HPS5: variants seen among roughly 807,000 people sequenced by gnomAD.
HPS5 encodes the protein BLOC-2 complex member HPS5.
Under a neutral mutation model 128.0 loss-of-function variants are expected in HPS5, and 83 were observed. The ratio of observed to expected loss-of-function variants is 0.65; its 90% confidence interval spans 0.54 to 0.78. HPS5 has a LOEUF of 0.78. HPS5 is among the 30% of genes least tolerant of loss of function. HPS5 has a pLI of 0.00. For missense variants in HPS5, 1,281 were observed against 1,326.2 expected (o/e 0.97, Z 0.53); for synonymous variants, 475 against 470.2 (o/e 1.01, Z -0.13).
rs567976409 is a variant in HPS5 at position 18,301,313 on chromosome 11, G to A, written c.897-397C>T. On this transcript the variant is annotated intron_variant, in intron 8 of 22. Transcript: ENST00000349215. Reference sequence around the variant, plus strand: ...TCTATTAAAAATAGAAAAATTAGCCGGGCATGGTGACATGCGCTTGTAATC... The same window carrying A: ...TCTATTAAAAATAGAAAAATTAGCCAGGCATGGTGACATGCGCTTGTAATC... 2.2e-4 allele frequency among the ~76,000 whole-genome samples: 33 copies of A among 151,846 alleles called. No individual in the cohort carries two copies. In the Middle Eastern group the frequency reaches 0.01, roughly 47 times the overall value.
intron 10 of HPS5, 119 bp downstream of exon 10, chr11:18,298,673 T>C: frequency 2.1e-6 from 2 of 934,192 alleles, no homozygotes; most frequent in Non-Finnish European, 3.5e-6. Context: ...CATGTATTGC[T>C]GTATCTGTAG....
intron 3 of HPS5, 66 bp downstream of exon 3, chr11:18,311,848 T>C: frequency 9.6e-7 from 1 of 1,042,574 alleles, no homozygotes; most frequent in Non-Finnish European, 1.5e-6. Flanking sequence ...ATTATTTATA[T>C]TGGAGAAATT....
chr11:18,320,099 T>C (rs1864148765), intron 1 of HPS5, among the ~76,000 whole-genome samples: 1 of 151,834 alleles, frequency 6.6e-6, no homozygotes, highest in Non-Finnish European at 1.5e-5. Context: ...TAAGTTCTAC[T>C]GAAAAGAAAA....
intron 9 of HPS5, 136 bp downstream of exon 9, chr11:18,300,692 G>C: frequency 2.0e-6 from 1 of 497,904 alleles, no homozygotes; most frequent in East Asian, 3.4e-5. Flanking sequence ...GCAAGACTTA[G>C]TCTCAAAAAA....
intron 8 of HPS5, among the ~76,000 whole-genome samples, chr11:18,304,304 C>T (rs760981419): frequency 3.3e-5 from 5 of 151,514 alleles, no homozygotes; most frequent in Non-Finnish European, 7.4e-5. Flanking sequence ...GCAACCTCTA[C>T]CTTCCAGGTT....
chr11:18,296,957 T>C lies in HPS5; in HGVS notation c.1351A>G (p.Ile451Val). The change falls in exon 12 of 23, where the codon ATT becomes GTT. Residue 451 changes from isoleucine (I) to valine (V), a missense_variant. By Grantham distance (29) the Ile-to-Val change is conservative (BLOSUM62 3). Transcript: ENST00000349215. ...CTTCTACTACTAATGATACGATAAA[T>C]ACCAGAGTCCAAGATGCTGAAACTT... ...HESFSILDSG[I>V]YRIISSRRGS... The C allele has an allele frequency of 6.2e-7, 1 of 1,601,390 alleles. No homozygotes were observed. The highest frequency in any genetic ancestry group is 8.5e-7 in the Non-Finnish European group (1 of 1,172,212).
At position 18,296,118 on chromosome 11, in the gene HPS5, A is replaced by G; in HGVS notation, c.1515T>C (p.Asn505=). Residue 505 remains asparagine (N), a synonymous_variant, in exon 13 of 23, where the codon AAT becomes AAC. Transcript: ENST00000349215. ...QCCGSHGNED[N]VSHAPVMFET... ...CAAACATCACTGGAGCATGAGAAAC[A>G]TTGTCTAATGAATGGAATCAGGAAA... 6.2e-7 allele frequency: 1 copy of G among 1,613,414 alleles called. No homozygotes were observed. The highest frequency in any genetic ancestry group is 8.5e-7 in the Non-Finnish European group (1 of 1,179,380).
rs747074254 is a variant in HPS5 at position 18,317,855 on chromosome 11, C to G, written c.4G>C (p.Ala2Pro). 1.2e-6 allele frequency: 2 copies of G among 1,612,898 alleles called. No individual in the cohort carries two copies. The highest frequency in any genetic ancestry group is 1.7e-6 in the Non-Finnish European group (2 of 1,179,446). The change falls in exon 2 of 23, where the codon GCT (alanine) becomes CCT (proline). Residue 2 changes from alanine (A) to proline (P), a missense_variant. Coordinates refer to ENST00000349215, the MANE Select transcript of HPS5 (RefSeq NM_181507.2). ...GACTCTGGTATCACTGGCACAAAAG[C>G]CATTTAGCCAGAAAGCTGAAACTTG... M[A>P]FVPVIPESYS...
intron 18 of HPS5, 181 bp from the exon 19 acceptor site, chr11:18,286,891 A>C (rs1859805394): frequency 1.4e-6 from 1 of 709,080 alleles, no homozygotes; most frequent in Non-Finnish European, 2.3e-6. Context: ...AACAAAGAAA[A>C]TGTCAAAGGG....
At chr11:18,283,662 CA>C in intron 21 of HPS5, 132 bp downstream of exon 21, 1 of 703,852 alleles carries the variant, frequency 1.4e-6, no homozygotes, top group Admixed American at 2.3e-5. Context: ...AAAAACTCCA[CA>C]AATGTGACAA....
rs1379393688 is a variant in HPS5 at position 18,309,049 on chromosome 11, G to C, written c.508C>G (p.Gln170Glu). 2 of 1,613,802 alleles carry C rather than the reference G, an allele frequency of 1.2e-6. No homozygotes were observed. Among genetic ancestry groups the C allele is most frequent in the African/African-American group, 2.7e-5 (2 of 74,898 alleles). ...CAGGAGTCAACAGTTGTGATTGTCT[G>C]AACAGGAAACATCACAAAAGCAGCA... is the stretch of plus-strand genomic sequence containing the variant. The part of the protein sequence containing the change: ...AAAAFVMFPV[Q>E]TITTVDSCVV... The change falls in exon 6 of 23, where the codon CAG becomes GAG. Residue 170 changes from glutamine (Q) to glutamate (E), a missense_variant. Transcript: ENST00000349215.
chr11:18,318,588 G>C (rs186879322), intron 1 of HPS5, among the ~76,000 whole-genome samples: 1 of 152,130 alleles, frequency 6.6e-6, no homozygotes, highest in Non-Finnish European at 1.5e-5. Flanking sequence ...AAAGTAACAC[G>C]AAAGTTTTTA....
At chr11:18,298,739 T>C (rs1861369276) in intron 10 of HPS5, 53 bp downstream of exon 10, 4 of 1,561,550 alleles carry the variant, frequency 2.6e-6, no homozygotes, top group Non-Finnish European at 3.5e-6. Context: ...TCTTGCAAGG[T>C]AGGAGAGTTT....
rs79604177 is a variant in HPS5, at chr11:18,315,929, T to C, written c.108+1822A>G. On this transcript the variant is annotated intron_variant, in intron 2 of 22. Coordinates refer to ENST00000349215, the MANE Select transcript of HPS5 (RefSeq NM_181507.2). ...GATTTATTGCCACTCAAAACAATCA[T>C]CTACATTCTCCATATCCCCACTTCC... is the stretch of plus-strand genomic sequence containing the variant. Among the ~76,000 whole-genome samples the C allele has an allele frequency of 4.9e-3, 753 of 152,306 alleles. 9 individuals carry two copies. Among genetic ancestry groups the C allele is most frequent in the African/African-American group, 0.017 (726 of 41,554 alleles).
chr11:18,308,203 T>C (rs1190364878), intron 6 of HPS5, among the ~76,000 whole-genome samples: 3 of 152,254 alleles, frequency 2.0e-5, no homozygotes, highest in Non-Finnish European at 4.4e-5. Context: ...TTGCCATTCA[T>C]TGTACCTCTG....
intron 1 of HPS5, among the ~76,000 whole-genome samples, chr11:18,321,230 T>A (rs1349040732): frequency 6.6e-6 from 1 of 152,224 alleles, no homozygotes; most frequent in Non-Finnish European, 1.5e-5. Context: ...CCTGCTTCTT[T>A]TTCCAGCCTT....
chr11:18,291,658 T>C lies in HPS5; in HGVS notation c.2224A>G (p.Thr742Ala). The change falls in exon 16 of 23, where the codon ACA (threonine) becomes GCA (alanine). Residue 742 changes from threonine (T) to alanine (A), a missense_variant. Thr to Ala is a moderately conservative substitution (Grantham distance 58). Transcript: ENST00000349215. ...AATACATTCAACTCCAAACATAATGTTGTCAATTCAGCCAGGTCGTTCCGA... is the reference window on the plus strand; with the variant it reads ...AATACATTCAACTCCAAACATAATGCTGTCAATTCAGCCAGGTCGTTCCGA... ...GLRNDLAELT[T>A]LCLELNVLNS... The C allele has an allele frequency of 2.5e-6, 4 of 1,614,222 alleles. No individual in the cohort carries two copies. Among genetic ancestry groups the C allele is most frequent in the Non-Finnish European group, 3.4e-6 (4 of 1,180,030 alleles).
rs1303226997 is a variant in HPS5 at position 18,300,859 on chromosome 11, A to G, written c.954T>C (p.Asn318=). The change falls in exon 9 of 23, where the codon AAT becomes AAC. Residue 318 remains asparagine, a synonymous_variant. Transcript: ENST00000349215. ...CTTCACTCCAAAGAAGAACTTGAAC[A>G]TTCTGAGGAATGAAAATATAAATTC... The part of the protein sequence containing the change: ...ERGIYIFIPQ[N]VQVLLWSEVK... 6.3e-7 allele frequency: 1 copy of G among 1,595,318 alleles called. No individual in the cohort carries two copies.
chr11:18,309,187 T>C (rs1862691535), intron 5 of HPS5, 108 bp from the exon 6 acceptor site: 3 of 1,167,136 alleles, frequency 2.6e-6, no homozygotes, highest in Non-Finnish European at 2.5e-6. Context: ...CAAAATAAAA[T>C]TTTCAAATAA....
Sources: allele counts gnomAD v4.1 joint callset (sites outside exome capture counted in the v4.1 genomes callset), GRCh38; gene constraint gnomAD v4.1.1; transcripts MANE v1.5; gene names NCBI Gene and HGNC (gene_info 2026-07-23, HGNC 2026-07-21).